The following MAG variants were observed in gnomAD, a reference collection of about 807,000 sequenced individuals.
The protein encoded by MAG is myelin-associated glycoprotein.
Under a neutral mutation model 60.7 loss-of-function variants are expected in MAG, and 30 were observed. The ratio of observed to expected loss-of-function variants is 0.49; its 90% CI spans 0.37 to 0.67. MAG has a LOEUF of 0.67. Ranked by LOEUF, MAG falls within the 30% of genes least tolerant of loss-of-function variation. The pLI is 0.00. For synonymous variants in MAG, 384 were observed against 376.8 expected (o/e 1.02, Z -0.22); for missense variants, 795 against 851.7 (o/e 0.93, Z 0.83).
chr19:35,309,751 G>A, intron 7 of MAG, 123 bp from the exon 8 acceptor site: 8 of 996,922 alleles, frequency 8.0e-6, no homozygotes, highest in Non-Finnish European at 1.1e-5. Context: ...AAATTGGAGG[G>A]CCCTACAGGA....
chr19:35,301,109 A>G (rs943580342), intron 6 of MAG, among the ~76,000 whole-genome samples: 2 of 152,086 alleles, frequency 1.3e-5, no homozygotes, highest in African/African-American at 2.4e-5. Flanking sequence ...GGCTCAAGTG[A>G]TCCTCCCGCC....
chr19:35,312,338 G>A, intron 10 of MAG: 1 of 1,610,990 alleles, frequency 6.2e-7, no homozygotes. Context: ...AGGTTCCGGG[G>A]GCCTCAGTGT....
Position 35,299,691 on chromosome 19 carries a change from G to C in MAG, c.553G>C (p.Val185Leu), listed in dbSNP as rs2066431723. 6.3e-7 allele frequency: 1 copy of C among 1,594,570 alleles called. No homozygotes were observed. Among genetic ancestry groups the C allele is most frequent in the Non-Finnish European group, 8.5e-7 (1 of 1,171,584 alleles). The change falls in exon 5 of 11, where the codon GTG becomes CTG. Residue 185 changes from valine to leucine, a missense_variant. Coordinates refer to ENST00000392213, the MANE Select transcript of MAG (RefSeq NM_002361.4). Reference sequence around the variant, plus strand: ...CCACGAGGGGCTGGGGGAGCCCGCTGTGCTGGGCCGGCTGCGGGAGGACGA... The same window carrying C: ...CCACGAGGGGCTGGGGGAGCCCGCTCTGCTGGGCCGGCTGCGGGAGGACGA... The part of the protein sequence containing the change: ...LGHEGLGEPA[V>L]LGRLREDEGT...
chr19:35,294,017 C>A (rs1158079870), intron 1 of MAG, among the ~76,000 whole-genome samples: 1 of 152,142 alleles, frequency 6.6e-6, no homozygotes, highest in African/African-American at 2.4e-5. Flanking sequence ...TGCGGTCGTT[C>A]CCCCTTCCCT....
At chr19:35,305,996 C>T (rs2066482012) in intron 7 of MAG, among the ~76,000 whole-genome samples, 2 of 120,630 alleles carry the variant, frequency 1.7e-5, no homozygotes, top group Admixed American at 8.6e-5. Flanking sequence ...ACTGTCCCAC[C>T]CCCCCACTCC....
Position 35,302,630 on chromosome 19 carries a change from G to A in MAG, c.1153G>A (p.Glu385Lys), listed in dbSNP as rs372192843. ...LQLELPAVSP[E>K]DDGEYWCVAE... Reference sequence around the variant, plus strand: ...GCTGGAGCTGCCGGCCGTGTCACCCGAGGATGATGGAGAGTACTGGTGTGT... The same window carrying A: ...GCTGGAGCTGCCGGCCGTGTCACCCAAGGATGATGGAGAGTACTGGTGTGT... The change falls in exon 7 of 11, where the codon GAG (glutamate) becomes AAG (lysine). Residue 385 changes from glutamate to lysine, a missense_variant. Physicochemically the swap from Glu to Lys is moderately conservative, Grantham distance 56. Transcript: ENST00000392213. 58 of 1,614,082 alleles carry A rather than the reference G, an allele frequency of 3.6e-5. No individual in the cohort carries two copies. Among genetic ancestry groups the A allele is most frequent in the Non-Finnish European group, 4.6e-5 (54 of 1,180,042 alleles).
intron 7 of MAG, among the ~76,000 whole-genome samples, chr19:35,305,885 G>C (rs1247642046): frequency 1.3e-5 from 2 of 152,018 alleles, no homozygotes; most frequent in Non-Finnish European, 2.9e-5. Context: ...AGCCCGGGGG[G>C]TGGAGGTTGC....
At chr19:35,303,463 T>G (rs1308215029) in intron 7 of MAG, among the ~76,000 whole-genome samples, 4 of 152,202 alleles carry the variant, frequency 2.6e-5, no homozygotes. Context: ...TTATGCCACT[T>G]GCCTAAGTTC....
intron 6 of MAG, among the ~76,000 whole-genome samples, chr19:35,301,679 C>G (rs1473286274): frequency 6.6e-6 from 1 of 152,092 alleles, no homozygotes; most frequent in Non-Finnish European, 1.5e-5. Context: ...ATCTGCCCAC[C>G]TCGGCCTCCC....
At position 35,295,759 on chromosome 19, in the gene MAG, T is replaced by C. The variant is rs1170270721; in HGVS notation, c.193T>C (p.Tyr65His). 4.3e-6 allele frequency: 7 copies of C among 1,613,840 alleles called. No homozygotes were observed. Among genetic ancestry groups the C allele is most frequent in the Non-Finnish European group, 5.1e-6 (6 of 1,180,012 alleles). Residue 65 changes from tyrosine (Y) to histidine (H), a missense_variant, in exon 4 of 11, where the codon TAC (tyrosine) becomes CAC (histidine). Tyr to His is a moderately conservative substitution (Grantham distance 83, BLOSUM62 2). Transcript: ENST00000392213. The surrounding 1 kb of genome is among the most constrained non-coding windows in gnomAD (Gnocchi z 5.8). ...TGGTGTCTGGTACTTCAATAGCCCC[T>C]ACCCCAAGAACTACCCCCCGGTGGT... ...VHGVWYFNSPYPKNYPPVVFK... is the reference protein window; with the variant it reads ...VHGVWYFNSPHPKNYPPVVFK...
At chr19:35,302,737 G>A in intron 7 of MAG, 29 bp downstream of exon 7, 12 of 1,605,682 alleles carry the variant, frequency 7.5e-6, no homozygotes, top group Non-Finnish European at 8.5e-6. Flanking sequence ...CCTATGCTGG[G>A]GATGGACGGT....
At position 35,310,640 on chromosome 19, in the gene MAG, G is replaced by A. The variant is rs776158188; in HGVS notation, c.1613G>A (p.Arg538Lys). The change falls in exon 9 of 11, where the codon AGG becomes AAG. Residue 538 changes from arginine (R) to lysine (K), a missense_variant. Coordinates refer to ENST00000392213, the MANE Select transcript of MAG (RefSeq NM_002361.4). ...AIVCYITQTR[R>K]KKNVTESPSF... The stretch of plus-strand genomic sequence containing the variant: ...GTCTGCTACATTACCCAGACACGCA[G>A]GAAGTGAGTGCCAGCTGGGGCTGAT... 1 of 1,613,974 alleles carries A rather than the reference G, an allele frequency of 6.2e-7. No homozygotes were observed. The highest frequency in any genetic ancestry group is 1.1e-5 in the South Asian group (1 of 91,088).
rs760644405 is a variant in MAG at position 35,309,966 on chromosome 19, G to A, written c.1324G>A (p.Val442Met). Reference sequence around the variant, plus strand: ...GGTGAAGTCCAACCCGGAGCCGTCCGTGGCCTTTGAGCTGCCATCGCGCAA... The same window carrying A: ...GGTGAAGTCCAACCCGGAGCCGTCCATGGCCTTTGAGCTGCCATCGCGCAA... Reference protein sequence around the residue: ...CVVKSNPEPSVAFELPSRNVT... With the variant: ...CVVKSNPEPSMAFELPSRNVT... Residue 442 changes from valine to methionine, a missense_variant, in exon 8 of 11, where the codon GTG becomes ATG. Coordinates refer to ENST00000392213, the MANE Select transcript of MAG (RefSeq NM_002361.4). The A allele has an allele frequency of 2.5e-6, 4 of 1,614,016 alleles. No individual in the cohort carries two copies. Among genetic ancestry groups the A allele is most frequent in the South Asian group, 2.2e-5 (2 of 91,092 alleles).
rs768376515 is a variant in MAG, at chr19:35,295,576, C to CGT, written c.47-34_47-33dup. ...AGCCGGAGGGGGTGATCGGGTAGGACGTGTCCCTGAGCCTCAGCTCTCCTG... is the reference window on the plus strand; with the variant it reads ...AGCCGGAGGGGGTGATCGGGTAGGACGTGTGTCCCTGAGCCTCAGCTCTCCTG... On this transcript the variant is annotated intron_variant, in intron 3 of 10. Transcript: ENST00000392213. The surrounding 1 kb of genome is among the most constrained non-coding windows in gnomAD (Gnocchi z 5.8). 1 of 1,594,288 alleles carries CGT rather than the reference C, an allele frequency of 6.3e-7. No individual in the cohort carries two copies. The highest frequency in any genetic ancestry group is 1.1e-5 in the South Asian group (1 of 87,606).
At chr19:35,308,966 C>G (rs954281292) in intron 7 of MAG, among the ~76,000 whole-genome samples, 2 of 152,166 alleles carry the variant, frequency 1.3e-5, no homozygotes, top group Non-Finnish European at 2.9e-5. Flanking sequence ...GGGCCAGACC[C>G]TGTCTCTAAA....
In MAG at chr19:35,310,580, G is replaced by GCGCCGTGGT; in HGVS notation, c.1558_1566dup (p.Val520_Ala522dup). 6.2e-7 allele frequency: 1 copy of GCGCCGTGGT among 1,614,148 alleles called. No individual in the cohort carries two copies. The highest frequency in any genetic ancestry group is 8.5e-7 in the Non-Finnish European group (1 of 1,180,034). Reference sequence around the variant, plus strand: ...ATGTGGGCCAAGATCGGGCCTGTGGGCGCCGTGGTCGCCTTTGCCATCCTG... The same window carrying GCGCCGTGGT: ...ATGTGGGCCAAGATCGGGCCTGTGGGCGCCGTGGTCGCCGTGGTCGCCTTTGCCATCCTG... On this transcript the variant is annotated inframe_insertion, in exon 9 of 11. Transcript: ENST00000392213.
At chr19:35,294,906 T>C (rs12976524) in intron 2 of MAG, among the ~76,000 whole-genome samples, 69,856 of 152,002 alleles carry the variant, frequency 0.46, 16,712 homozygotes, top group Middle Eastern at 0.64. Flanking sequence ...ATTGCACCAC[T>C]GCATTCCAGG....
At chr19:35,302,421 G>T in intron 6 of MAG, 27 bp from the exon 7 acceptor site, 1 of 1,610,440 alleles carries the variant, frequency 6.2e-7, no homozygotes, top group South Asian at 1.1e-5. Context: ...CCTGGGTTCT[G>T]ACCATCAGTC....
intron 10 of MAG, chr19:35,312,250 G>A (rs749482664): frequency 6.2e-7 from 1 of 1,608,260 alleles, no homozygotes; most frequent in Admixed American, 1.7e-5. Flanking sequence ...CTCCCTGCCT[G>A]TGTCTGTGAC....
Sources: allele counts gnomAD v4.1 joint callset (sites outside exome capture counted in the v4.1 genomes callset), GRCh38; gene constraint gnomAD v4.1.1; non-coding constraint Gnocchi (gnomAD v3.1); transcripts MANE v1.5; gene names NCBI Gene and HGNC (gene_info 2026-07-23, HGNC 2026-07-21).